Variants in HMBOX1 observed in about 807,000 individuals in gnomAD.
HMBOX1 encodes homeobox containing 1.
Under a neutral mutation model 54.5 loss-of-function variants are expected in HMBOX1, and 14 were observed. That is an observed-to-expected ratio of 0.26 (90% CI 0.17 to 0.40). The LOEUF is 0.40. HMBOX1 is among the 10% of genes least tolerant of loss of function. The pLI is 1.00. For missense variants in HMBOX1, 332 were observed against 514.4 expected, an observed-to-expected ratio of 0.65 and a Z score of 3.43; for synonymous variants, 160 against 181.0, an observed-to-expected ratio of 0.88 and a Z score of 0.93.
intron 5 of HMBOX1, among the ~76,000 whole-genome samples, chr8:29,014,401 T>C (rs1192858775): frequency 1.3e-5 from 2 of 152,048 alleles, no homozygotes; most frequent in Non-Finnish European, 2.9e-5. Context: ...CTAGTGTCTT[T>C]GTGTTTTTCT....
Position 28,963,854 on chromosome 8 carries a change from G to A in HMBOX1, c.-14G>A, listed in dbSNP as rs756483668. 28 of 1,597,346 alleles carry A rather than the reference G, an allele frequency of 1.8e-5. No individual in the cohort carries two copies. Among genetic ancestry groups the A allele is most frequent in the Admixed American group, 3.4e-5 (2 of 59,408 alleles). ...TCATCTCTGGAAAGGATATTGATCCGCCTCATGTAAAGTATGCTTAGTTCC... is the reference window on the plus strand; with the variant it reads ...TCATCTCTGGAAAGGATATTGATCCACCTCATGTAAAGTATGCTTAGTTCC... On this transcript the variant is annotated 5_prime_UTR_variant, in exon 2 of 10. Coordinates refer to ENST00000287701, the MANE Select transcript of HMBOX1 (RefSeq NM_001135726.3).
At chr8:28,968,159 T>C (rs1826764242) in intron 2 of HMBOX1, among the ~76,000 whole-genome samples, 1 of 152,216 alleles carries the variant, frequency 6.6e-6, no homozygotes, top group Admixed American at 6.5e-5. Flanking sequence ...AGTAAAAACA[T>C]ACGACATCTA....
At chr8:29,000,874 A>G (rs1466432878) in intron 4 of HMBOX1, among the ~76,000 whole-genome samples, 1 of 152,210 alleles carries the variant, frequency 6.6e-6, no homozygotes, top group Non-Finnish European at 1.5e-5. Flanking sequence ...GTCACATGCT[A>G]TTCTTACCAA....
chr8:29,009,710 G>A, intron 5 of HMBOX1: 1 of 1,287,710 alleles, frequency 7.8e-7, no homozygotes, highest in Non-Finnish European at 1.0e-6. Context: ...TGACTCCCAG[G>A]AGCAGCAGTA....
At chr8:28,910,680 A>C (rs1428339600) in intron 1 of HMBOX1, among the ~76,000 whole-genome samples, 1 of 152,160 alleles carries the variant, frequency 6.6e-6, no homozygotes, top group African/African-American at 2.4e-5. Context: ...TTTTGATGAA[A>C]TATCTATTCA....
chr8:29,031,585 A>T (rs180857411), intron 6 of HMBOX1, among the ~76,000 whole-genome samples: 1 of 151,902 alleles, frequency 6.6e-6, no homozygotes, highest in Admixed American at 6.6e-5. Context: ...TTGGAGTTAG[A>T]ACAACTGGTG....
intron 1 of HMBOX1, among the ~76,000 whole-genome samples, chr8:28,961,237 A>G (rs897326979): frequency 5.3e-5 from 8 of 152,232 alleles, no homozygotes; most frequent in African/African-American, 1.4e-4. Context: ...ATAACATAAA[A>G]TCTACCATTT....
intron 4 of HMBOX1, among the ~76,000 whole-genome samples, chr8:29,000,907 A>AT (rs1832538455): frequency 6.6e-6 from 1 of 152,212 alleles, no homozygotes; most frequent in African/African-American, 2.4e-5. Context: ...TTTAAAATAA[A>AT]TGCTCTTTGG....
chr8:28,958,280 T>C (rs1192659821), intron 1 of HMBOX1, among the ~76,000 whole-genome samples: 1 of 152,186 alleles, frequency 6.6e-6, no homozygotes, highest in Non-Finnish European at 1.5e-5. Context: ...TTTCAGTTTT[T>C]TAAAAATATA....
chr8:28,912,269 G>T (rs1343250885), intron 1 of HMBOX1, among the ~76,000 whole-genome samples: 1 of 152,156 alleles, frequency 6.6e-6, no homozygotes, highest in Non-Finnish European at 1.5e-5. Context: ...ATTTCTAAAG[G>T]AAGCTGGGAT....
At chr8:28,952,026 A>C (rs909671066) in intron 1 of HMBOX1, among the ~76,000 whole-genome samples, 1 of 152,104 alleles carries the variant, frequency 6.6e-6, no homozygotes, top group Non-Finnish European at 1.5e-5. Flanking sequence ...TTTTTTAAAA[A>C]TCAGCTGGGC....
At chr8:28,890,163 A>G, upstream of HMBOX1, 3 of 486,920 alleles carry the variant, frequency 6.2e-6, no homozygotes, top group Non-Finnish European at 7.5e-6. Flanking sequence ...CCACCCCAGC[A>G]TGATATCATG....
At chr8:28,978,786 C>CA (rs36075812) in intron 3 of HMBOX1, among the ~76,000 whole-genome samples, 76,775 of 95,810 alleles carry the variant, frequency 0.8, 31,259 homozygotes, top group East Asian at 0.92. Context: ...GACTCCGTCT[C>CA]AAAAAAAAAA....
chr8:28,979,838 A>G (rs982886251), intron 3 of HMBOX1, among the ~76,000 whole-genome samples: 11 of 152,194 alleles, frequency 7.2e-5, no homozygotes, highest in African/African-American at 2.7e-4. Flanking sequence ...AGACATATCT[A>G]TTGTGGTCTT....
At chr8:28,966,936 G>A (rs751371336) in intron 2 of HMBOX1, among the ~76,000 whole-genome samples, 5 of 152,206 alleles carry the variant, frequency 3.3e-5, no homozygotes, top group African/African-American at 1.2e-4. Flanking sequence ...AAACAAAACA[G>A]CAAGAAGAGC....
In HMBOX1 at chr8:28,927,831, C is replaced by CAAAAAAAAA; in HGVS notation, c.-57-35964_-57-35956dup. On this transcript the variant is annotated intron_variant, in intron 1 of 9. Transcript: ENST00000287701. The stretch of plus-strand genomic sequence containing the variant: ...GGGCAACAAAAGCGAAACTCAGTCT[C>CAAAAAAAAA]AAAAAAAAAAAAAAAAAAAAAAAAG... Among the ~76,000 whole-genome samples the CAAAAAAAAA allele has an allele frequency of 3.8e-5, 2 of 52,752 alleles. 1 individual carries two copies. Among genetic ancestry groups the CAAAAAAAAA allele is most frequent in the Non-Finnish European group, 6.5e-5 (2 of 30,952 alleles). The allele number at this position is 52,752 out of a possible 152,430, so 34.6% of individuals were successfully genotyped here.
intron 7 of HMBOX1, 31 bp from the exon 8 acceptor site, chr8:29,047,327 A>ATT (rs1805717211): frequency 8.2e-7 from 1 of 1,224,070 alleles, no homozygotes; most frequent in African/African-American, 1.5e-5. Flanking sequence ...CCAGATATAG[A>ATT]TTATCTGAAT....
chr8:28,944,320 C>T (rs1335187090), intron 1 of HMBOX1, among the ~76,000 whole-genome samples: 1 of 152,148 alleles, frequency 6.6e-6, no homozygotes, highest in Non-Finnish European at 1.5e-5. Flanking sequence ...TAACTAGGAA[C>T]AGAAAATACA....
In HMBOX1 at chr8:29,051,973, T is replaced by C. The variant is rs1806481956; in HGVS notation, c.*818T>C. 1 of 179,968 alleles carries C rather than the reference T, an allele frequency of 5.6e-6. No individual in the cohort carries two copies. Among genetic ancestry groups the C allele is most frequent in the Non-Finnish European group, 1.2e-5 (1 of 85,364 alleles). The allele number at this position is 179,968 out of a possible 1,614,324, so 11.1% of individuals were successfully genotyped here. A position where few individuals can be genotyped will look rare whatever the true frequency, so the allele number is the denominator to read the frequency against. ...TATGAGCTGAATGTCTAATGGATGC[T>C]AAGTCCAGTTTTCAGAACCACTGTA... On this transcript the variant is annotated 3_prime_UTR_variant, in exon 10 of 10. Transcript: ENST00000287701.
Sources: gnomAD v4.1 joint callset for allele counts (sites outside exome capture counted in the v4.1 genomes callset) on GRCh38, gnomAD v4.1.1 for gene constraint, MANE v1.5 for transcripts, NCBI Gene and HGNC (gene_info 2026-07-23, HGNC 2026-07-21) for gene names.